ARMC9: variants seen among roughly 807,000 people sequenced by gnomAD.
ARMC9 encodes the protein armadillo repeat containing 9, also known as lisH domain-containing protein ARMC9.
Under a neutral mutation model 107.0 loss-of-function variants are expected in ARMC9, and 94 were observed. The ratio of observed to expected loss-of-function variants is 0.88; its 90% CI spans 0.74 to 1.04. The LOEUF is 1.04. ARMC9 is among the 50% of genes least tolerant of loss of function. The pLI, the probability that ARMC9 is intolerant of heterozygous loss-of-function variation, is 0.00. For missense variants in ARMC9, 942 were observed against 1,030.1 expected (o/e 0.91, Z 1.17); for synonymous variants, 380 against 396.9 (o/e 0.96, Z 0.51).
At chr2:231,226,488 G>T (rs928553986) in intron 6 of ARMC9, among the ~76,000 whole-genome samples, 2 of 152,162 alleles carry the variant, frequency 1.3e-5, no homozygotes, top group Non-Finnish European at 1.5e-5. Flanking sequence ...TTTGGAAGGG[G>T]ATAGGAAGGG....
chr2:231,324,362 G>A (rs1203491400), intron 19 of ARMC9, among the ~76,000 whole-genome samples: 5 of 150,358 alleles, frequency 3.3e-5, no homozygotes, highest in South Asian at 2.1e-4. Flanking sequence ...GCCTGACCTC[G>A]TAATCCGCCC....
intron 19 of ARMC9, among the ~76,000 whole-genome samples, chr2:231,307,012 G>T (rs1050128122): frequency 6.6e-6 from 1 of 152,178 alleles, no homozygotes; most frequent in Non-Finnish European, 1.5e-5. Flanking sequence ...TCCTCTGAGA[G>T]TGCCTCTCCA....
rs78908152 is a variant in ARMC9 at position 231,284,394 on chromosome 2, A to G, written c.1626+2261A>G. ...TACCAATGACTGTTTCTGTGGGACA[A>G]ACATTCAAGAGCAATAGCAGCGTAG... is the stretch of plus-strand genomic sequence containing the variant. On this transcript the variant is annotated intron_variant, in intron 17 of 24. Transcript: ENST00000611582. Among the ~76,000 whole-genome samples the G allele has an allele frequency of 5.6e-3, 848 of 152,328 alleles. 13 individuals carry two copies. Among genetic ancestry groups the G allele is most frequent in the African/African-American group, 0.019 (802 of 41,558 alleles).
intron 20 of ARMC9, among the ~76,000 whole-genome samples, chr2:231,344,304 G>A (rs747056104): frequency 7.9e-5 from 12 of 152,146 alleles, no homozygotes; most frequent in East Asian, 1.9e-4. Context: ...AGCAGTGGAC[G>A]GGATCGTTTT....
chr2:231,331,375 C>G (rs1459565949), intron 19 of ARMC9, among the ~76,000 whole-genome samples: 2 of 152,184 alleles, frequency 1.3e-5, no homozygotes, highest in African/African-American at 4.8e-5. Context: ...TACTTATTGG[C>G]TGTAAACGTT....
At position 231,276,657 on chromosome 2, in the gene ARMC9, G is replaced by T. The variant is rs1308346164; in HGVS notation, c.1356G>T (p.Met452Ile). The change falls in exon 15 of 25, where the codon ATG (methionine) becomes ATT (isoleucine). Residue 452 changes from methionine (M) to isoleucine (I), a missense_variant. Physicochemically the swap from Met to Ile is conservative, Grantham distance 10 (BLOSUM62 1). Transcript: ENST00000611582. ...CCAGGCGCCCGCTGCAGACAGCGAT[G>T]ATTCAAGACGGCCTCATCTTCTGGC... ...FSLRRPLQTA[M>I]IQDGLIFWLV... is the part of the protein sequence containing the mutation. 1.2e-6 allele frequency: 2 copies of T among 1,614,082 alleles called. No individual in the cohort carries two copies. The highest frequency in any genetic ancestry group is 1.7e-6 in the Non-Finnish European group (2 of 1,180,044).
At chr2:231,217,715 T>C (rs577470738) in intron 5 of ARMC9, among the ~76,000 whole-genome samples, 1 of 152,152 alleles carries the variant, frequency 6.6e-6, no homozygotes, top group Non-Finnish European at 1.5e-5. Flanking sequence ...GTTTGTTTGT[T>C]TGGTTGGTTT....
intron 19 of ARMC9, among the ~76,000 whole-genome samples, chr2:231,317,782 A>G (rs962611659): frequency 2.6e-5 from 4 of 152,050 alleles, no homozygotes; most frequent in Non-Finnish European, 4.4e-5. Flanking sequence ...GAGCTCATCT[A>G]TTGAATTCTT....
At chr2:231,366,608 C>T (rs1253925637) in intron 23 of ARMC9, among the ~76,000 whole-genome samples, 3 of 151,770 alleles carry the variant, frequency 2.0e-5, no homozygotes, top group African/African-American at 4.8e-5. Flanking sequence ...TTTGGGAGGC[C>T]GAGGTGGGTG....
chr2:231,261,577 A>G (rs9677476), intron 11 of ARMC9, among the ~76,000 whole-genome samples: 64,936 of 151,982 alleles, frequency 0.43, 16,924 homozygotes, highest in African/African-American at 0.74. Flanking sequence ...GCCCTGTATT[A>G]TACTTTCCTG....
chr2:231,219,667 C>G (rs987131990), intron 5 of ARMC9, among the ~76,000 whole-genome samples: 7 of 152,004 alleles, frequency 4.6e-5, no homozygotes, highest in African/African-American at 1.7e-4. Context: ...TTGTGTCTTT[C>G]AACAACTCTG....
intron 19 of ARMC9, among the ~76,000 whole-genome samples, chr2:231,327,953 T>C (rs1041507974): frequency 6.6e-5 from 10 of 152,080 alleles, no homozygotes; most frequent in African/African-American, 2.2e-4. Context: ...CCTGGCTAAT[T>C]TTTGTTTTTT....
rs2031188759 is a variant in ARMC9, at chr2:231,202,368, G to A, written c.-42+3670G>A. On this transcript the variant is annotated intron_variant, in intron 1 of 24. Transcript: ENST00000611582. ...GACAGGGTCTTACTTTGTCACCTAG[G>A]CTGGAGTGCCATGGCGTGATCCCGG... Among the ~76,000 whole-genome samples, 3 of 148,580 alleles carry A rather than the reference G, an allele frequency of 2.0e-5. No homozygotes were observed. In the Admixed American group the frequency reaches 2.0e-4, roughly 10 times the overall value.
chr2:231,310,180 T>C (rs1220646208), intron 19 of ARMC9, among the ~76,000 whole-genome samples: 86 of 146,622 alleles, frequency 5.9e-4, no homozygotes, highest in East Asian at 4.6e-3. Flanking sequence ...TTTGGGAGGC[T>C]GAGGCGGGAG....
chr2:231,342,559 CA>C (rs1189277806), intron 20 of ARMC9, among the ~76,000 whole-genome samples: 2 of 151,828 alleles, frequency 1.3e-5, no homozygotes, highest in African/African-American at 4.8e-5. Context: ...TGGGAGGGCT[CA>C]GGGGTCCTCT....
intron 24 of ARMC9, chr2:231,370,859 CAGGACGAA>C: frequency 3.4e-6 from 1 of 297,310 alleles, no homozygotes; most frequent in South Asian, 2.7e-5. Flanking sequence ...AAAGGCCAGG[CAGGACGAA>C]AGGAGTCCCG....
At chr2:231,201,366 C>G (rs567581240) in intron 1 of ARMC9, among the ~76,000 whole-genome samples, 173 of 152,378 alleles carry the variant, frequency 1.1e-3, no homozygotes, top group African/African-American at 3.8e-3. Context: ...TCCCTTGGAG[C>G]CTCCAGCACC....
At chr2:231,278,595 AT>A in intron 16 of ARMC9, 137 bp downstream of exon 16, 1 of 708,756 alleles carries the variant, frequency 1.4e-6, no homozygotes, top group Non-Finnish European at 2.3e-6. Flanking sequence ...TCCTTCTGGG[AT>A]TTTCATAAGC....
intron 19 of ARMC9, among the ~76,000 whole-genome samples, chr2:231,324,216 C>T (rs1454403606): frequency 6.7e-6 from 1 of 149,902 alleles, no homozygotes; most frequent in Admixed American, 6.6e-5. Flanking sequence ...CAACCTCCGC[C>T]TCCCAGGTTC....
Sources: gnomAD v4.1 joint callset for allele counts (sites outside exome capture counted in the v4.1 genomes callset) on GRCh38, gnomAD v4.1.1 for gene constraint, MANE v1.5 for transcripts, NCBI Gene and HGNC (gene_info 2026-07-23, HGNC 2026-07-21) for gene names.